Variants in FRMD4B observed in about 807,000 individuals in gnomAD.
FRMD4B encodes the protein FERM domain-containing protein 4B.
In FRMD4B, 74 loss-of-function variants were observed where a neutral mutation model predicts 141.5. The ratio of observed to expected loss-of-function variants is 0.52; its 90% CI spans 0.43 to 0.63. FRMD4B has a LOEUF of 0.63. Among genes scored for constraint, FRMD4B ranks in the 30% least tolerant of loss-of-function variants. FRMD4B has a pLI of 0.00. For synonymous variants in FRMD4B, 506 were observed against 467.9 expected, an observed-to-expected ratio of 1.08 and a Z score of -1.05; for missense variants, 1,366 against 1,253.4, an observed-to-expected ratio of 1.09 and a Z score of -1.36.
At chr3:69,237,864 G>A (rs147198930) in intron 7 of FRMD4B, among the ~76,000 whole-genome samples, 2 of 152,242 alleles carry the variant, frequency 1.3e-5, no homozygotes, top group Admixed American at 6.5e-5. Flanking sequence ...CTAAGTAGCT[G>A]GGATTACAGG....
chr3:69,258,229 G>T (rs1169678093), intron 5 of FRMD4B, among the ~76,000 whole-genome samples: 1 of 152,154 alleles, frequency 6.6e-6, no homozygotes, highest in Non-Finnish European at 1.5e-5. Flanking sequence ...GCTTCCCAAA[G>T]TGCTGGGGTT....
intron 1 of FRMD4B, among the ~76,000 whole-genome samples, chr3:69,448,032 T>C (rs1475526272): frequency 6.6e-6 from 1 of 151,916 alleles, no homozygotes; most frequent in African/African-American, 2.4e-5. Context: ...AATCTTTTTT[T>C]TTTTTTTCGT....
At chr3:69,271,907 G>A (rs564022190) in intron 5 of FRMD4B, among the ~76,000 whole-genome samples, 13 of 152,162 alleles carry the variant, frequency 8.5e-5, no homozygotes, top group East Asian at 1.9e-4. Flanking sequence ...TCTGGGAGGC[G>A]GAGGTTGCAG....
intron 1 of FRMD4B, among the ~76,000 whole-genome samples, chr3:69,506,850 G>A (rs1432349611): frequency 6.6e-6 from 1 of 152,094 alleles, no homozygotes; most frequent in Non-Finnish European, 1.5e-5. Context: ...GCATCCTACT[G>A]TTAAATTCCT....
intron 1 of FRMD4B, among the ~76,000 whole-genome samples, chr3:69,506,624 C>A (rs952084300): frequency 6.6e-6 from 1 of 152,054 alleles, no homozygotes; most frequent in African/African-American, 2.4e-5. Flanking sequence ...CAGCCTCGAC[C>A]TCCCTGGCTC....
intron 2 of FRMD4B, among the ~76,000 whole-genome samples, chr3:69,402,598 A>C (rs1256182615): frequency 6.6e-6 from 1 of 152,214 alleles, no homozygotes; most frequent in African/African-American, 2.4e-5. Context: ...ACAGTATCTC[A>C]GATATAGGAG....
chr3:69,217,552 G>A (rs2093153732), intron 10 of FRMD4B, among the ~76,000 whole-genome samples: 1 of 152,146 alleles, frequency 6.6e-6, no homozygotes, highest in Non-Finnish European at 1.5e-5. Flanking sequence ...AACCCGGGAG[G>A]CAGAGGTTGC....
At chr3:69,430,921 A>C (rs1705168392) in intron 2 of FRMD4B, among the ~76,000 whole-genome samples, 1 of 152,216 alleles carries the variant, frequency 6.6e-6, no homozygotes, top group Non-Finnish European at 1.5e-5. Flanking sequence ...CAGTAGGGAC[A>C]ATATTTTTGG....
At chr3:69,184,939 T>C (rs943196341) in intron 19 of FRMD4B, among the ~76,000 whole-genome samples, 3 of 152,106 alleles carry the variant, frequency 2.0e-5, no homozygotes, top group South Asian at 4.1e-4. Flanking sequence ...CAGGCAAAAG[T>C]TCCTAAATGC....
At chr3:69,268,817 C>T (rs2093580812) in intron 5 of FRMD4B, among the ~76,000 whole-genome samples, 1 of 151,762 alleles carries the variant, frequency 6.6e-6, no homozygotes, top group Non-Finnish European at 1.5e-5. Flanking sequence ...AATTGAACTG[C>T]TCATTTATTA....
chr3:69,506,690 C>T (rs1023226226), intron 1 of FRMD4B, among the ~76,000 whole-genome samples: 1 of 152,002 alleles, frequency 6.6e-6, no homozygotes, highest in African/African-American at 2.4e-5. Flanking sequence ...GGGGCCACCA[C>T]ACCCAGCTAC....
chr3:69,207,071 G>A (rs1014875146), intron 11 of FRMD4B, among the ~76,000 whole-genome samples: 1 of 152,106 alleles, frequency 6.6e-6, no homozygotes, highest in Non-Finnish European at 1.5e-5. Context: ...GGGAGGCTGA[G>A]GTGGGAGGAT....
chr3:69,437,964 CATAA>C (rs969584519), intron 1 of FRMD4B, among the ~76,000 whole-genome samples: 1 of 124,168 alleles, frequency 8.1e-6, no homozygotes, highest in Admixed American at 9.3e-5. Context: ...TATAATACTA[CATAA>C]ATATATACTA....
chr3:69,236,383 G>T (rs958858126), intron 7 of FRMD4B, among the ~76,000 whole-genome samples: 1 of 151,792 alleles, frequency 6.6e-6, no homozygotes, highest in African/African-American at 2.4e-5. Flanking sequence ...CACCTGCCAC[G>T]ATGCCCGGGT....
At chr3:69,299,850 C>T (rs1216669862) in intron 4 of FRMD4B, among the ~76,000 whole-genome samples, 1 of 151,974 alleles carries the variant, frequency 6.6e-6, no homozygotes, top group Non-Finnish European at 1.5e-5. Context: ...TGAGGGGCTT[C>T]TGTGCTCCAT....
chr3:69,277,698 A>C (rs1443993157), intron 5 of FRMD4B, among the ~76,000 whole-genome samples: 4 of 150,958 alleles, frequency 2.6e-5, no homozygotes, highest in African/African-American at 9.7e-5. Context: ...CGCCCAGCTA[A>C]TTTTTGTATT....
intron 1 of FRMD4B, among the ~76,000 whole-genome samples, chr3:69,465,007 G>A (rs569511364): frequency 1.2e-4 from 19 of 152,292 alleles, no homozygotes; most frequent in African/African-American, 4.3e-4. Flanking sequence ...AAAAGCTGAT[G>A]TTATTTGGAC....
intron 17 of FRMD4B, among the ~76,000 whole-genome samples, chr3:69,190,193 G>A (rs61312273): frequency 0.063 from 9,614 of 152,180 alleles, 734 homozygotes; most frequent in East Asian, 0.32. Flanking sequence ...GACTTCAAGG[G>A]AGTGCTGGTT....
At chr3:69,272,837 T>G (rs2093601693) in intron 5 of FRMD4B, among the ~76,000 whole-genome samples, 1 of 152,236 alleles carries the variant, frequency 6.6e-6, no homozygotes, top group Non-Finnish European at 1.5e-5. Context: ...CTCAAGGCAT[T>G]ATAAATATGG....
Sources: allele counts gnomAD v4.1 joint callset (sites outside exome capture counted in the v4.1 genomes callset), GRCh38; gene constraint gnomAD v4.1.1; transcripts MANE v1.5; gene names NCBI Gene and HGNC (gene_info 2026-07-23, HGNC 2026-07-21).